Variants in SEPTIN11 observed in about 807,000 individuals in gnomAD.
The protein encoded by SEPTIN11 is septin-11.
SEPTIN11 carries 25 observed loss-of-function variants against 51.4 expected under a neutral mutation model. The ratio of observed to expected loss-of-function variants is 0.49; its 90% CI spans 0.35 to 0.68. The LOEUF (loss-of-function observed/expected upper bound fraction) is 0.68. Among genes scored for constraint, SEPTIN11 ranks in the 30% least tolerant of loss-of-function variants. The pLI is 0.00. For synonymous variants in SEPTIN11, 174 were observed against 184.1 expected (o/e 0.95, Z 0.44); for missense variants, 381 against 520.8 (o/e 0.73, Z 2.61).
At chr4:76,956,845 C>T (rs1208850568) in intron 1 of SEPTIN11, among the ~76,000 whole-genome samples, 1 of 152,074 alleles carries the variant, frequency 6.6e-6, no homozygotes, top group Non-Finnish European at 1.5e-5. Flanking sequence ...GGCTAGATTC[C>T]TAGTCAAGGA....
intron 1 of SEPTIN11, among the ~76,000 whole-genome samples, chr4:76,959,665 T>C (rs553170141): frequency 5.9e-5 from 9 of 152,236 alleles, no homozygotes; most frequent in African/African-American, 1.9e-4. Flanking sequence ...ACATGAACTA[T>C]GAACTTAGGA....
intron 1 of SEPTIN11, among the ~76,000 whole-genome samples, chr4:76,975,665 A>C (rs1009549589): frequency 3.3e-5 from 5 of 152,188 alleles, no homozygotes; most frequent in Admixed American, 6.5e-5. Flanking sequence ...GAAGTACCTG[A>C]AGATCCAACC....
chr4:77,036,595 A>G lies in SEPTIN11; in HGVS notation c.*2083A>G, dbSNP rs1304305059. 1 of 1,435,916 alleles carries G rather than the reference A, an allele frequency of 7.0e-7. No homozygotes were observed. 88.9% of individuals were successfully genotyped at this position (1,435,916 alleles called of 1,614,324 possible). The stretch of plus-strand genomic sequence containing the variant: ...TTTTTTGCATTAAATTTTTCCCAGC[A>G]AAATAAATCATATGGCGAGTCAGGG... On this transcript the variant is annotated 3_prime_UTR_variant, in exon 10 of 10. Transcript: ENST00000264893.
intron 7 of SEPTIN11, chr4:77,021,669 G>GA (rs1162112192): frequency 1.3e-5 from 2 of 152,062 alleles, no homozygotes; most frequent in Non-Finnish European, 2.9e-5. Flanking sequence ...GTTCCTTGGG[G>GA]AAAAAAAACC....
chr4:77,018,944 C>T (rs1452046649), intron 5 of SEPTIN11, among the ~76,000 whole-genome samples: 3 of 152,154 alleles, frequency 2.0e-5, no homozygotes, highest in Non-Finnish European at 4.4e-5. Context: ...TTTATAGTTG[C>T]AAAGACTCAT....
At chr4:76,997,590 A>G (rs2109936865) in intron 2 of SEPTIN11, among the ~76,000 whole-genome samples, 1 of 152,290 alleles carries the variant, frequency 6.6e-6, no homozygotes, top group Non-Finnish European at 1.5e-5. Context: ...GCTCCCTGGC[A>G]TTGTATCTTA....
At chr4:77,020,428 T>G in intron 6 of SEPTIN11, 74 bp from the exon 7 acceptor site, 1 of 1,539,836 alleles carries the variant, frequency 6.5e-7, no homozygotes, top group East Asian at 2.3e-5. Context: ...AATAACATCT[T>G]GGAAGCATCA....
chr4:77,033,156 C>T (rs1726784457), intron 9 of SEPTIN11, among the ~76,000 whole-genome samples: 1 of 145,180 alleles, frequency 6.9e-6, no homozygotes, highest in Non-Finnish European at 1.5e-5. Flanking sequence ...CTGAAATGTC[C>T]AAGAAAAAAA....
At chr4:76,956,972 G>GTGTT (rs1416183843) in intron 1 of SEPTIN11, among the ~76,000 whole-genome samples, 2 of 134,550 alleles carry the variant, frequency 1.5e-5, no homozygotes, top group African/African-American at 6.3e-5. Flanking sequence ...ATGTGTGTGT[G>GTGTT]TGTGTGTGTG....
chr4:77,017,125 T>C (rs1020438555), intron 5 of SEPTIN11, among the ~76,000 whole-genome samples: 3 of 152,172 alleles, frequency 2.0e-5, no homozygotes, highest in Non-Finnish European at 4.4e-5. Flanking sequence ...TCAGGAAGTA[T>C]CATGAATGAC....
intron 1 of SEPTIN11, among the ~76,000 whole-genome samples, chr4:76,966,269 C>T (rs1722031596): frequency 6.6e-6 from 1 of 152,172 alleles, no homozygotes; most frequent in Non-Finnish European, 1.5e-5. Context: ...AGTTTTATCT[C>T]CACTTGACAA....
intron 1 of SEPTIN11, among the ~76,000 whole-genome samples, chr4:76,960,113 A>G (rs988911858): frequency 6.6e-6 from 1 of 152,224 alleles, no homozygotes; most frequent in Non-Finnish European, 1.5e-5. Flanking sequence ...TGAGAATGTC[A>G]TGGAAACTAC....
intron 1 of SEPTIN11, among the ~76,000 whole-genome samples, chr4:76,961,483 G>C (rs1037459476): frequency 6.6e-6 from 1 of 152,164 alleles, no homozygotes; most frequent in Admixed American, 6.5e-5. Context: ...TCAGCTTGCA[G>C]TGGGGTTATG....
chr4:77,034,729 CTG>C lies in SEPTIN11; in HGVS notation c.*219_*220del, dbSNP rs1726915330. 1.0e-5 allele frequency: 13 copies of C among 1,250,310 alleles called. No homozygotes were observed. In the South Asian group the frequency reaches 4.2e-4, roughly 40 times the overall value. The allele number at this position is 1,250,310 out of a possible 1,614,324, so 77.5% of individuals were successfully genotyped here. A position where few individuals can be genotyped will look rare whatever the true frequency, so the allele number is the denominator to read the frequency against. On this transcript the variant is annotated 3_prime_UTR_variant, in exon 10 of 10. Coordinates refer to ENST00000264893, the MANE Select transcript of SEPTIN11 (RefSeq NM_018243.4). ...CGCGAATGCTCTGTGCAGCTGGACT[CTG>C]TTTCCGGAAAGTAAATGATTTGCTT...
intron 1 of SEPTIN11, among the ~76,000 whole-genome samples, chr4:76,956,603 G>A (rs1474120650): frequency 1.3e-5 from 2 of 152,206 alleles, no homozygotes; most frequent in Non-Finnish European, 2.9e-5. Flanking sequence ...TTGCCAGCCT[G>A]GTGGCAGAGG....
At position 77,015,020 on chromosome 4, in the gene SEPTIN11, A is replaced by G; in HGVS notation, c.687+3A>G. 3 of 1,611,240 alleles carry G rather than the reference A, an allele frequency of 1.9e-6. No individual in the cohort carries two copies. The highest frequency in any genetic ancestry group is 2.5e-6 in the Non-Finnish European group (3 of 1,178,726). On this transcript the variant is annotated splice_donor_region_variant and intron_variant, in intron 5 of 9. Transcript: ENST00000264893. ...CAGAGATTAACGCAACAATGAGTGT[A>G]AGTCCTCAAGTCAAATGGGAACAAG...
chr4:77,028,866 C>G (rs1726385292), intron 8 of SEPTIN11, 105 bp downstream of exon 8: 1 of 1,251,166 alleles, frequency 8.0e-7, no homozygotes, highest in East Asian at 2.7e-5. Context: ...TTTCTACATG[C>G]ATTTTGTCAC....
In SEPTIN11 at chr4:76,955,126, T is replaced by C. The variant is rs778609138; in HGVS notation, c.27+5196T>C. On this transcript the variant is annotated intron_variant, in intron 1 of 9. Transcript: ENST00000264893. ...TCTTATAGAAGTTGAGGCACAATAATGTGGATAGGTTAGAGATTGAAAAAC... is the reference window on the plus strand; with the variant it reads ...TCTTATAGAAGTTGAGGCACAATAACGTGGATAGGTTAGAGATTGAAAAAC... Among the ~76,000 whole-genome samples, 7 of 152,156 alleles carry C rather than the reference T, an allele frequency of 4.6e-5. No homozygotes were observed. The South Asian group carries it at 1.2e-3, about 27-fold the overall frequency.
At position 77,005,625 on chromosome 4, in the gene SEPTIN11, C is replaced by A; in HGVS notation, c.167C>A (p.Thr56Lys). 6.2e-7 allele frequency: 1 copy of A among 1,613,672 alleles called. No homozygotes were observed. Among genetic ancestry groups the A allele is most frequent in the Non-Finnish European group, 8.5e-7 (1 of 1,179,782 alleles). Residue 56 changes from threonine (T) to lysine (K), a missense_variant, in exon 3 of 10, where the codon ACG becomes AAG. Physicochemically the swap from Thr to Lys is moderately conservative, Grantham distance 78. Around this residue, in one of 2 missense-constraint regions of SEPTIN11, gnomAD observed 184 missense variants for 207.7 expected, o/e 0.89. Coordinates refer to ENST00000264893, the MANE Select transcript of SEPTIN11 (RefSeq NM_018243.4). ...GGTGAGACAGGCATTGGCAAATCCA[C>A]GTTAATGGACACTTTGTTCAACACC... The part of the protein sequence containing the change: ...CVGETGIGKS[T>K]LMDTLFNTKF...
Sources: allele counts gnomAD v4.1 joint callset (sites outside exome capture counted in the v4.1 genomes callset), GRCh38; gene constraint gnomAD v4.1.1; regional missense constraint gnomAD v4.1.1; transcripts MANE v1.5; gene names NCBI Gene and HGNC (gene_info 2026-07-23, HGNC 2026-07-21).